The following FBXO10 variants were observed in gnomAD, a reference collection of about 807,000 sequenced individuals.
FBXO10 encodes the protein F-box protein 10.
In FBXO10, 39 loss-of-function variants were observed where a neutral mutation model predicts 80.7. That is an observed-to-expected ratio of 0.48 (90% CI 0.37 to 0.63). FBXO10 has a LOEUF of 0.63. Among genes scored for constraint, FBXO10 ranks in the 30% least tolerant of loss-of-function variants. FBXO10 has a pLI of 0.00. For synonymous variants in FBXO10, 449 were observed against 489.6 expected, an observed-to-expected ratio of 0.92 and a Z score of 1.09; for missense variants, 1,025 against 1,269.0, an observed-to-expected ratio of 0.81 and a Z score of 2.92.
chr9:37,529,790 G>A (rs1313657214), intron 4 of FBXO10, among the ~76,000 whole-genome samples: 1 of 152,052 alleles, frequency 6.6e-6, no homozygotes, highest in East Asian at 1.9e-4. Flanking sequence ...GTCCCATGGG[G>A]CATAAGGTCT....
chr9:37,538,527 G>A (rs1375688104), intron 2 of FBXO10, among the ~76,000 whole-genome samples: 3 of 152,234 alleles, frequency 2.0e-5, no homozygotes, highest in South Asian at 2.1e-4. Context: ...TGTCAACATG[G>A]TGAAACCTCA....
chr9:37,561,165 A>C (rs944915973), intron 1 of FBXO10, among the ~76,000 whole-genome samples: 19 of 148,260 alleles, frequency 1.3e-4, no homozygotes, highest in South Asian at 6.4e-4. Flanking sequence ...AAAACAAAAC[A>C]AAATCAACTT....
chr9:37,553,970 T>G (rs970773436), intron 1 of FBXO10, among the ~76,000 whole-genome samples: 1 of 151,798 alleles, frequency 6.6e-6, no homozygotes, highest in African/African-American at 2.4e-5. Context: ...ATCCTTTGCT[T>G]GGTTTACCCC....
chr9:37,562,693 A>G (rs1023438425), intron 1 of FBXO10, among the ~76,000 whole-genome samples: 1 of 152,200 alleles, frequency 6.6e-6, no homozygotes, highest in Admixed American at 6.5e-5. Flanking sequence ...AGCATAGCTG[A>G]GACTACTCAA....
intron 6 of FBXO10, among the ~76,000 whole-genome samples, chr9:37,524,661 TG>T (rs1483750401): frequency 6.6e-6 from 1 of 152,184 alleles, no homozygotes; most frequent in East Asian, 1.9e-4. Flanking sequence ...GGAGGCATCC[TG>T]GGTATAGTGA....
Position 37,518,171 on chromosome 9 carries a change from C to A in FBXO10, c.2468G>T (p.Gly823Val). The A allele has an allele frequency of 6.2e-7, 1 of 1,614,018 alleles. No homozygotes were observed. The highest frequency in any genetic ancestry group is 8.5e-7 in the Non-Finnish European group (1 of 1,179,872). Residue 823 changes from glycine (G) to valine (V), a missense_variant, in exon 9 of 11, where the codon GGC becomes GTC. Coordinates refer to ENST00000432825, the MANE Select transcript of FBXO10 (RefSeq NM_012166.3). ...CAGCTGCAGCCCGCTGCCCCGGTTG[C>A]CAATGATATCGTTTTCAATGACGAT... ...STIVIENDII[G>V]NRGSGLQLLP...
In FBXO10 at chr9:37,541,372, G is replaced by A. The variant is rs990335480; in HGVS notation, c.397C>T (p.Arg133Ter). The change falls in exon 2 of 11, where the codon CGA (arginine) becomes TGA (stop). Residue 133 changes from arginine to a stop codon, truncating the protein, a stop_gained. Coordinates refer to ENST00000432825, the MANE Select transcript of FBXO10 (RefSeq NM_012166.3). LOFTEE classifies it high-confidence loss of function. The stretch of plus-strand genomic sequence containing the variant: ...TACACACCTGGGAAGAGCACAATTC[G>A]GTCATACAGGCTGGCCATGGCCAAG... Reference protein sequence around the residue: ...SALAMASLYDRIVLFPGVYEE... With the variant: ...SALAMASLYD 5.6e-6 allele frequency: 9 copies of A among 1,613,970 alleles called. No individual in the cohort carries two copies. Among genetic ancestry groups the A allele is most frequent in the East Asian group, 2.2e-5 (1 of 44,880 alleles).
intron 5 of FBXO10, among the ~76,000 whole-genome samples, chr9:37,527,996 T>G (rs1821516690): frequency 6.6e-6 from 1 of 152,180 alleles, no homozygotes; most frequent in Non-Finnish European, 1.5e-5. Flanking sequence ...TCCAAAGTGA[T>G]GAATGTAAAG....
intron 1 of FBXO10, among the ~76,000 whole-genome samples, chr9:37,560,631 T>TTTTTATTTTA (rs10701235): frequency 6.6e-6 from 1 of 150,978 alleles, no homozygotes; most frequent in African/African-American, 2.4e-5. Context: ...AAGGTAACAC[T>TTTTTATTTTA]TTTTATTTTA....
In FBXO10 at chr9:37,537,417, A is replaced by C. The variant is rs761557890; in HGVS notation, c.1112T>G (p.Met371Arg). Residue 371 changes from methionine to arginine, a missense_variant, in exon 3 of 11, where the codon ATG (methionine) becomes AGG (arginine). Around this residue, in one of 3 missense-constraint regions of FBXO10, gnomAD observed 450 missense variants for 499.4 expected, o/e 0.90. Transcript: ENST00000432825. ...SGEDEDEDQLMYRLSYQVQGP... is the reference protein window; with the variant it reads ...SGEDEDEDQLRYRLSYQVQGP... ...CTGCACTTGGTAGGATAGTCTGTAC[A>C]TCAGCTGGTCCTCATCTTCATCCTC... 1.9e-6 allele frequency: 3 copies of C among 1,599,558 alleles called. No individual in the cohort carries two copies. Among genetic ancestry groups the C allele is most frequent in the Non-Finnish European group, 2.6e-6 (3 of 1,172,742 alleles).
chr9:37,558,545 G>A (rs2119172710), intron 1 of FBXO10, among the ~76,000 whole-genome samples: 1 of 152,182 alleles, frequency 6.6e-6, no homozygotes, highest in Non-Finnish European at 1.5e-5. Context: ...AATACCCTAG[G>A]CTATCATAAT....
intron 4 of FBXO10, 91 bp downstream of exon 4, chr9:37,531,817 TA>T: frequency 6.8e-7 from 1 of 1,466,902 alleles, no homozygotes; most frequent in Non-Finnish European, 9.4e-7. Flanking sequence ...AGGAAGCACG[TA>T]AATACAAGAG....
At chr9:37,512,856 G>T in intron 10 of FBXO10, 135 bp from the exon 11 acceptor site, 1 of 898,466 alleles carries the variant, frequency 1.1e-6, no homozygotes, top group Non-Finnish European at 1.6e-6. Context: ...TTATCTTCCA[G>T]TTTAGTGTTA....
At chr9:37,551,720 A>T (rs1414801756) in intron 1 of FBXO10, among the ~76,000 whole-genome samples, 1 of 152,234 alleles carries the variant, frequency 6.6e-6, no homozygotes. Flanking sequence ...TCAAATGGTC[A>T]CTTGGCCACA....
At chr9:37,554,894 G>A (rs1050578947) in intron 1 of FBXO10, among the ~76,000 whole-genome samples, 2 of 152,186 alleles carry the variant, frequency 1.3e-5, no homozygotes, top group East Asian at 3.8e-4. Flanking sequence ...TAATGCTGCT[G>A]TGAATATTCT....
intron 1 of FBXO10, among the ~76,000 whole-genome samples, chr9:37,564,045 G>A (rs1373416837): frequency 2.0e-5 from 3 of 152,234 alleles, no homozygotes; most frequent in Non-Finnish European, 4.4e-5. Context: ...CCAGGCACAG[G>A]GACCCTCTGC....
chr9:37,530,387 T>G (rs1301192213), intron 4 of FBXO10, among the ~76,000 whole-genome samples: 1 of 152,176 alleles, frequency 6.6e-6, no homozygotes, highest in Non-Finnish European at 1.5e-5. Context: ...AAAAGGAGTA[T>G]GCAGCAGCAT....
Position 37,512,453 on chromosome 9 carries a change from G to A in FBXO10, c.*94C>T. 7.1e-7 allele frequency: 1 copy of A among 1,412,706 alleles called. No individual in the cohort carries two copies. Among genetic ancestry groups the A allele is most frequent in the Non-Finnish European group, 9.7e-7 (1 of 1,035,070 alleles). The allele number at this position is 1,412,706 out of a possible 1,614,324, so 87.5% of individuals were successfully genotyped here. On this transcript the variant is annotated 3_prime_UTR_variant, in exon 11 of 11. Coordinates refer to ENST00000432825, the MANE Select transcript of FBXO10 (RefSeq NM_012166.3). ...AGGCCCGGGACCCATTTGTTCGAGG[G>A]GGAGGGGGAGGGGCGGAGTCTTTTC...
At chr9:37,558,974 C>G (rs1240650455) in intron 1 of FBXO10, among the ~76,000 whole-genome samples, 1 of 152,152 alleles carries the variant, frequency 6.6e-6, no homozygotes, top group Non-Finnish European at 1.5e-5. Context: ...CCACGCCCGG[C>G]TAATTTTTTG....
Sources: allele counts gnomAD v4.1 joint callset (sites outside exome capture counted in the v4.1 genomes callset), GRCh38; gene constraint gnomAD v4.1.1; regional missense constraint gnomAD v4.1.1; transcripts MANE v1.5; gene names NCBI Gene and HGNC (gene_info 2026-07-23, HGNC 2026-07-21).